RBP3: variants seen among roughly 807,000 people sequenced by gnomAD.
RBP3 encodes retinol binding protein 3.
A neutral mutation model predicts 64.8 loss-of-function variants in RBP3; 50 were observed. The observed-to-expected ratio is 0.77, with a 90% CI of 0.61 to 0.98. RBP3 has a LOEUF of 0.98. Ranked by LOEUF, RBP3 falls within the 50% of genes least tolerant of loss-of-function variation. The pLI, the probability that RBP3 is intolerant of heterozygous loss-of-function variation, is 0.00. For missense variants in RBP3, 1,712 were observed against 1,660.5 expected (o/e 1.03, Z -0.54); for synonymous variants, 828 against 730.2 (o/e 1.13, Z -2.16).
chr10:47,354,924 G>C (rs1343354765), intron 2 of RBP3, among the ~76,000 whole-genome samples: 2 of 152,194 alleles, frequency 1.3e-5, no homozygotes, highest in Non-Finnish European at 2.9e-5. Context: ...TAAGTGCCCT[G>C]TTAAGACACC....
chr10:47,349,676 T>C lies in RBP3; in HGVS notation c.1192T>C (p.Trp398Arg). The C allele has an allele frequency of 3.7e-6, 6 of 1,611,792 alleles. No individual in the cohort carries two copies. Among genetic ancestry groups the C allele is most frequent in the Non-Finnish European group, 5.1e-6 (6 of 1,179,996 alleles). ...RAIGPTETPS[W>R]PAPDAAAEDS... ...CATCGGGCCCACAGAAACTCCTTCT[T>C]GGCCCGCGCCCGACGCTGCAGCCGA... is the stretch of plus-strand genomic sequence containing the variant. Residue 398 changes from tryptophan to arginine, a missense_variant, in exon 1 of 4, where the codon TGG (tryptophan) becomes CGG (arginine). Transcript: ENST00000584701.
rs1169208510 is a variant in RBP3, at chr10:47,350,216, A to T, written c.1732A>T (p.Thr578Ser). 6.2e-7 allele frequency: 1 copy of T among 1,609,262 alleles called. No individual in the cohort carries two copies. Among genetic ancestry groups the T allele is most frequent in the Non-Finnish European group, 8.5e-7 (1 of 1,179,916 alleles). The change falls in exon 1 of 4, where the codon ACG (threonine) becomes TCG (serine). Residue 578 changes from threonine (T) to serine (S), a missense_variant. Transcript: ENST00000584701. ...CGCGGGCAACCTGCTGCACACCCGC[A>T]CGGTGCCGCTGCTGGACACACCCGA... ...ITAGNLLHTRTVPLLDTPEGS... is the reference protein window; with the variant it reads ...ITAGNLLHTRSVPLLDTPEGS...
chr10:47,349,306 T>C lies in RBP3; in HGVS notation c.822T>C (p.Ser274=), dbSNP rs368795235. 2 of 1,612,826 alleles carry C rather than the reference T, an allele frequency of 1.2e-6. No homozygotes were observed. Among genetic ancestry groups the C allele is most frequent in the East Asian group, 2.2e-5 (1 of 44,868 alleles). Residue 274 remains serine (S), a synonymous_variant, in exon 1 of 4, where the codon TCT becomes TCC. Transcript: ENST00000584701. ...TCCGGAAGCTGAGGATAGGCGAGTC[T>C]GACTTCTTCTTCACGGTGCCCGTGT... is the stretch of plus-strand genomic sequence containing the variant. The part of the protein sequence containing the change: ...LDLRKLRIGE[S]DFFFTVPVSR...
At position 47,353,349 on chromosome 10, in the gene RBP3, G is replaced by C; in HGVS notation, c.3079G>C (p.Glu1027Gln). Reference sequence around the variant, plus strand: ...GATCCCTTCCCCTGAAGTATTTGAAGAGCTGATCAAGTTTTCCTTCCACAC... The same window carrying C: ...GATCCCTTCCCCTGAAGTATTTGAACAGCTGATCAAGTTTTCCTTCCACAC... ...MQIPSPEVFE[E>Q]LIKFSFHTNV... Residue 1027 changes from glutamate (E) to glutamine (Q), a missense_variant, in exon 2 of 4, where the codon GAG becomes CAG. Coordinates refer to ENST00000584701, the MANE Select transcript of RBP3 (RefSeq NM_002900.3). 1 of 1,614,056 alleles carries C rather than the reference G, an allele frequency of 6.2e-7. No individual in the cohort carries two copies. The highest frequency in any genetic ancestry group is 8.5e-7 in the Non-Finnish European group (1 of 1,180,042).
rs1565765217 is a variant in RBP3 at position 47,349,862 on chromosome 10, G to A, written c.1378G>A (p.Val460Ile). Residue 460 changes from valine to isoleucine, a missense_variant, in exon 1 of 4, where the codon GTC (valine) becomes ATC (isoleucine). Transcript: ENST00000584701. ...ASVLGVLAPY[V>I]LRQVWEPLQD... is the part of the protein sequence containing the mutation. ...CGTCCTGGGTGTGTTGGCCCCATAT[G>A]TCCTGCGCCAGGTGTGGGAGCCGCT... 2 of 1,613,186 alleles carry A rather than the reference G, an allele frequency of 1.2e-6. No individual in the cohort carries two copies. Among genetic ancestry groups the A allele is most frequent in the Admixed American group, 1.7e-5 (1 of 60,024 alleles).
rs782015590 is a variant in RBP3, at chr10:47,350,194, G to A, written c.1710G>A (p.Ala570=). The change falls in exon 1 of 4, where the codon GCG becomes GCA. Residue 570 remains alanine (A), a synonymous_variant. Transcript: ENST00000584701. ...GWATLVGEIT[A]GNLLHTRTVP... Reference sequence around the variant, plus strand: ...CCACACTGGTAGGTGAGATCACCGCGGGCAACCTGCTGCACACCCGCACGG... The same window carrying A: ...CCACACTGGTAGGTGAGATCACCGCAGGCAACCTGCTGCACACCCGCACGG... 68 of 1,610,772 alleles carry A rather than the reference G, an allele frequency of 4.2e-5. No homozygotes were observed. The highest frequency in any genetic ancestry group is 3.1e-4 in the African/African-American group (23 of 74,920).
rs144857146 is a variant in RBP3 at position 47,351,037 on chromosome 10, G to A, written c.2553G>A (p.Ala851=). ...YILMSHTSGS[A]AEAFAHTMQD... is the part of the protein sequence containing the mutation. Reference sequence around the variant, plus strand: ...TGATGAGCCACACCAGTGGCTCTGCGGCCGAGGCCTTTGCACACACCATGC... The same window carrying A: ...TGATGAGCCACACCAGTGGCTCTGCAGCCGAGGCCTTTGCACACACCATGC... The change falls in exon 1 of 4, where the codon GCG becomes GCA. Residue 851 remains alanine, a synonymous_variant. Coordinates refer to ENST00000584701, the MANE Select transcript of RBP3 (RefSeq NM_002900.3). 23 of 1,610,670 alleles carry A rather than the reference G, an allele frequency of 1.4e-5. No homozygotes were observed. The highest frequency in any genetic ancestry group is 8.0e-5 in the African/African-American group (6 of 74,948).
In RBP3 at chr10:47,349,345, G is replaced by A. The variant is rs782175750; in HGVS notation, c.861G>A (p.Gly287=). Residue 287 remains glycine (G), a synonymous_variant, in exon 1 of 4, where the codon GGG becomes GGA. Transcript: ENST00000584701. ...FFTVPVSRSL[G]PLGGGSQTWE... is the part of the protein sequence containing the mutation. ...CGGTGCCCGTGTCCAGGTCCCTGGG[G>A]CCCCTTGGTGGAGGCAGCCAGACGT... The A allele has an allele frequency of 1.9e-6, 3 of 1,612,368 alleles. No individual in the cohort carries two copies. In the African/African-American group the frequency reaches 4.0e-5, roughly 22 times the overall value.
chr10:47,349,272 C>A lies in RBP3; in HGVS notation c.788C>A (p.Ala263Asp), dbSNP rs1836908364. 3 of 1,612,856 alleles carry A rather than the reference C, an allele frequency of 1.9e-6. No individual in the cohort carries two copies. Among genetic ancestry groups the A allele is most frequent in the East Asian group, 2.2e-5 (1 of 44,882 alleles). ...IVVGERTGGG[A>D]LDLRKLRIGE... ...GTGGGCGAGCGGACTGGGGGAGGGG[C>A]CCTGGACCTCCGGAAGCTGAGGATA... is the stretch of plus-strand genomic sequence containing the variant. The change falls in exon 1 of 4, where the codon GCC (alanine) becomes GAC (aspartate). Residue 263 changes from alanine to aspartate, a missense_variant. Ala to Asp is a moderately radical substitution (Grantham distance 126). Coordinates refer to ENST00000584701, the MANE Select transcript of RBP3 (RefSeq NM_002900.3).
Position 47,348,684 on chromosome 10 carries a change from C to A in RBP3, c.200C>A (p.Pro67Gln). The part of the protein sequence containing the change: ...KSHEILSISD[P>Q]QTLASVLTAG... Reference sequence around the variant, plus strand: ...CATGAGATTCTGAGCATCTCAGACCCGCAGACGCTGGCCAGTGTGCTGACA... The same window carrying A: ...CATGAGATTCTGAGCATCTCAGACCAGCAGACGCTGGCCAGTGTGCTGACA... The change falls in exon 1 of 4, where the codon CCG becomes CAG. Residue 67 changes from proline to glutamine, a missense_variant. Transcript: ENST00000584701. The A allele has an allele frequency of 6.2e-7, 1 of 1,613,598 alleles. No homozygotes were observed.
rs1031336596 is a variant in RBP3, at chr10:47,351,541, G to A, written c.3054+3G>A. 2 of 1,613,578 alleles carry A rather than the reference G, an allele frequency of 1.2e-6. No individual in the cohort carries two copies. Among genetic ancestry groups the A allele is most frequent in the South Asian group, 1.1e-5 (1 of 91,080 alleles). ...TTCCTGGAATTGTGCCCATGCAGGT[G>A]AGACCCAAGAGAGACCTGGCTGAAC... On this transcript the variant is annotated splice_donor_region_variant and intron_variant, in intron 1 of 3. Transcript: ENST00000584701.
intron 3 of RBP3, among the ~76,000 whole-genome samples, chr10:47,356,676 T>C (rs1837050899): frequency 6.6e-6 from 1 of 152,236 alleles, no homozygotes; most frequent in Non-Finnish European, 1.5e-5. Flanking sequence ...GCCAGCATTC[T>C]GGCTCACGTT....
chr10:47,353,974 C>T (rs1403075623), intron 2 of RBP3, among the ~76,000 whole-genome samples: 1 of 152,192 alleles, frequency 6.6e-6, no homozygotes, highest in Non-Finnish European at 1.5e-5. Flanking sequence ...GAGTGTGCCT[C>T]ACATCATACA....
At position 47,351,420 on chromosome 10, in the gene RBP3, T is replaced by A. The variant is rs1277648053; in HGVS notation, c.2936T>A (p.Val979Glu). The A allele has an allele frequency of 1.2e-6, 2 of 1,613,574 alleles. No homozygotes were observed. The highest frequency in any genetic ancestry group is 2.7e-5 in the African/African-American group (2 of 74,932). Reference sequence around the variant, plus strand: ...CGCTACTCCAGGGTGACCTCAGAAGTGGCCCTAGCCGAGATCCTGGGGGCT... The same window carrying A: ...CGCTACTCCAGGGTGACCTCAGAAGAGGCCCTAGCCGAGATCCTGGGGGCT... Reference protein sequence around the residue: ...QSRYSRVTSEVALAEILGADL... With the variant: ...QSRYSRVTSEEALAEILGADL... The change falls in exon 1 of 4, where the codon GTG becomes GAG. Residue 979 changes from valine to glutamate, a missense_variant. Coordinates refer to ENST00000584701, the MANE Select transcript of RBP3 (RefSeq NM_002900.3).
Position 47,350,019 on chromosome 10 carries a change from G to A in RBP3, c.1535G>A (p.Arg512His), listed in dbSNP as rs1419192934. The stretch of plus-strand genomic sequence containing the variant: ...GTGCACCTCTTCACCACCTATGATC[G>A]CCGCACCAACATCACGCAGGAGCAC... ...GPVHLFTTYD[R>H]RTNITQEHFS... The change falls in exon 1 of 4, where the codon CGC (arginine) becomes CAC (histidine). Residue 512 changes from arginine to histidine, a missense_variant. Physicochemically the swap from Arg to His is conservative, Grantham distance 29. Coordinates refer to ENST00000584701, the MANE Select transcript of RBP3 (RefSeq NM_002900.3). 11 of 1,612,778 alleles carry A rather than the reference G, an allele frequency of 6.8e-6. No individual in the cohort carries two copies. Among genetic ancestry groups the A allele is most frequent in the Non-Finnish European group, 9.3e-6 (11 of 1,179,944 alleles).
chr10:47,351,406 G>A lies in RBP3; in HGVS notation c.2922G>A (p.Arg974=), dbSNP rs1836972062. The change falls in exon 1 of 4, where the codon AGG becomes AGA. Residue 974 remains arginine (R), a synonymous_variant. Coordinates refer to ENST00000584701, the MANE Select transcript of RBP3 (RefSeq NM_002900.3). The part of the protein sequence containing the change: ...KLSGLQSRYS[R]VTSEVALAEI... ...GCGGTCTGCAGAGCCGCTACTCCAG[G>A]GTGACCTCAGAAGTGGCCCTAGCCG... 3 of 1,613,612 alleles carry A rather than the reference G, an allele frequency of 1.9e-6. No individual in the cohort carries two copies. Among genetic ancestry groups the A allele is most frequent in the African/African-American group, 2.7e-5 (2 of 74,942 alleles).
At chr10:47,352,269 G>A (rs1289907005) in intron 1 of RBP3, among the ~76,000 whole-genome samples, 1 of 152,218 alleles carries the variant, frequency 6.6e-6, no homozygotes, top group African/African-American at 2.4e-5. Flanking sequence ...GTGCAGGGAT[G>A]CTCCCAGGCA....
rs1555211395 is a variant in RBP3, at chr10:47,350,514, T to C, written c.2030T>C (p.Val677Ala). ...KLAQGAYRTA[V>A]DLESLASQLT... Reference sequence around the variant, plus strand: ...GCCCAGGGCGCCTACCGCACAGCTGTGGACTTGGAGTCTCTGGCCTCTCAG... The same window carrying C: ...GCCCAGGGCGCCTACCGCACAGCTGCGGACTTGGAGTCTCTGGCCTCTCAG... The change falls in exon 1 of 4, where the codon GTG (valine) becomes GCG (alanine). Residue 677 changes from valine to alanine, a missense_variant. Val to Ala is a moderately conservative substitution (Grantham distance 64, BLOSUM62 0). Coordinates refer to ENST00000584701, the MANE Select transcript of RBP3 (RefSeq NM_002900.3). 1 of 1,612,868 alleles carries C rather than the reference T, an allele frequency of 6.2e-7. No homozygotes were observed. Among genetic ancestry groups the C allele is most frequent in the East Asian group, 2.2e-5 (1 of 44,878 alleles).
Position 47,357,309 on chromosome 10 carries a change from G to A in RBP3, c.3596G>A (p.Gly1199Glu). Reference protein sequence around the residue: ...YLTIPTARSVGASDGSSWEGV... With the variant: ...YLTIPTARSVEASDGSSWEGV... ...ACTATCCCCACGGCCCGTTCTGTGG[G>A]GGCCTCGGATGGCAGCTCCTGGGAA... The change falls in exon 4 of 4, where the codon GGG becomes GAG. Residue 1199 changes from glycine to glutamate, a missense_variant. Coordinates refer to ENST00000584701, the MANE Select transcript of RBP3 (RefSeq NM_002900.3). 6.2e-7 allele frequency: 1 copy of A among 1,614,178 alleles called. No homozygotes were observed. Among genetic ancestry groups the A allele is most frequent in the Non-Finnish European group, 8.5e-7 (1 of 1,180,042 alleles).
Sources: allele counts gnomAD v4.1 joint callset (sites outside exome capture counted in the v4.1 genomes callset), GRCh38; gene constraint gnomAD v4.1.1; transcripts MANE v1.5; gene names NCBI Gene and HGNC (gene_info 2026-07-23, HGNC 2026-07-21).